The following ZBTB46 variants were observed in gnomAD, a reference collection of about 807,000 sequenced individuals.
The protein encoded by ZBTB46 is zinc finger and BTB domain containing 46, also known as zinc finger and BTB domain-containing protein 46.
In ZBTB46, 8 loss-of-function variants were observed where a neutral mutation model predicts 44.1. The ratio of observed to expected loss-of-function variants is 0.18; its 90% CI spans 0.11 to 0.33. ZBTB46 has a LOEUF of 0.33. Ranked by LOEUF, ZBTB46 falls within the 10% of genes least tolerant of loss-of-function variation. The pLI, the probability that ZBTB46 is intolerant of heterozygous loss-of-function variation, is 1.00. For missense variants in ZBTB46, 651 were observed against 847.7 expected, an observed-to-expected ratio of 0.77 and a Z score of 2.88; for synonymous variants, 409 against 382.3, an observed-to-expected ratio of 1.07 and a Z score of -0.81.
At chr20:63,772,366 A>G (rs943795203) in intron 3 of ZBTB46, among the ~76,000 whole-genome samples, 1 of 152,208 alleles carries the variant, frequency 6.6e-6, no homozygotes, top group Non-Finnish European at 1.5e-5. Flanking sequence ...ACTTAAGAGA[A>G]ATAACAAAAG....
chr20:63,778,322 T>A (rs1418487516), intron 2 of ZBTB46, among the ~76,000 whole-genome samples: 1 of 152,218 alleles, frequency 6.6e-6, no homozygotes, highest in East Asian at 1.9e-4. Context: ...CTCCCTCTAG[T>A]GGGGCTGTAT....
chr20:63,817,489 C>G (rs181761005), intron 1 of ZBTB46, among the ~76,000 whole-genome samples: 1 of 151,840 alleles, frequency 6.6e-6, no homozygotes, highest in African/African-American at 2.4e-5. Flanking sequence ...CCAAGGTGGG[C>G]GGATCACCTG....
At chr20:63,765,120 C>CGTGTGTGT (rs780310039) in intron 3 of ZBTB46, among the ~76,000 whole-genome samples, 39 of 149,086 alleles carry the variant, frequency 2.6e-4, no homozygotes, top group African/African-American at 9.4e-4. Context: ...TGTGTGTGTG[C>CGTGTGTGT]GTGTGTGTGT....
At chr20:63,761,569 G>A (rs1239300551) in intron 3 of ZBTB46, among the ~76,000 whole-genome samples, 1 of 151,950 alleles carries the variant, frequency 6.6e-6, no homozygotes, top group Non-Finnish European at 1.5e-5. Flanking sequence ...GGATCACAAG[G>A]TCAGGAGTTC....
intron 2 of ZBTB46, among the ~76,000 whole-genome samples, chr20:63,785,678 G>A (rs907959629): frequency 9.2e-5 from 14 of 152,178 alleles, no homozygotes; most frequent in African/African-American, 2.9e-4. Flanking sequence ...ATGGGATCAT[G>A]ATCTACTTCC....
intron 1 of ZBTB46, among the ~76,000 whole-genome samples, chr20:63,817,706 ACT>A (rs1361627112): frequency 6.9e-6 from 1 of 144,014 alleles, no homozygotes; most frequent in African/African-American, 2.7e-5. Context: ...GCAGAGTGAG[ACT>A]CTGTCTCAAA....
In ZBTB46 at chr20:63,744,471, TACAA is replaced by T. The variant is rs757279397; in HGVS notation, c.*2455_*2458del. On this transcript the variant is annotated 3_prime_UTR_variant, in exon 5 of 5. Coordinates refer to ENST00000245663, the MANE Select transcript of ZBTB46 (RefSeq NM_001369741.1). ...CACTTTGGTGTTGTAAACACCAAAA[TACAA>T]ACAGACACAAACAAAAATACAAAAT... 5.9e-5 allele frequency: 9 copies of T among 151,916 alleles called. No homozygotes were observed. Among genetic ancestry groups the T allele is most frequent in the African/African-American group, 7.3e-5 (3 of 41,274 alleles). The allele number at this position is 151,916 out of a possible 1,614,324, so 9.4% of individuals were successfully genotyped here. A position where few individuals can be genotyped will look rare whatever the true frequency, so the allele number is the denominator to read the frequency against.
chr20:63,808,835 G>A (rs1193001690), intron 1 of ZBTB46, among the ~76,000 whole-genome samples: 1 of 151,888 alleles, frequency 6.6e-6, no homozygotes, highest in East Asian at 1.9e-4. Flanking sequence ...AAAATTAGCC[G>A]GGCGTGGTGG....
At chr20:63,813,224 G>A (rs1291758240) in intron 1 of ZBTB46, among the ~76,000 whole-genome samples, 2 of 152,052 alleles carry the variant, frequency 1.3e-5, no homozygotes, top group African/African-American at 2.4e-5. Flanking sequence ...TGAGGCGGGT[G>A]GATCATCTGA....
At chr20:63,758,922 C>CA (rs1555837749) in intron 3 of ZBTB46, among the ~76,000 whole-genome samples, 15 of 152,110 alleles carry the variant, frequency 9.9e-5, no homozygotes, top group Admixed American at 7.9e-4. Flanking sequence ...TTAATAGAGA[C>CA]GGGTTTCACT....
At chr20:63,750,919 A>C (rs2092154674) in intron 4 of ZBTB46, among the ~76,000 whole-genome samples, 1 of 152,140 alleles carries the variant, frequency 6.6e-6, no homozygotes, top group Admixed American at 6.5e-5. Flanking sequence ...AAACAAAAAA[A>C]CAAACCCTAA....
intron 1 of ZBTB46, among the ~76,000 whole-genome samples, chr20:63,799,184 C>G (rs2092625442): frequency 6.6e-6 from 1 of 151,726 alleles, no homozygotes; most frequent in Admixed American, 6.6e-5. Flanking sequence ...GTGCACACCA[C>G]CACACTCAGC....
At position 63,744,086 on chromosome 20, in the gene ZBTB46, GC is replaced by G. The variant is rs545197581; in HGVS notation, c.*2843del. 6.6e-6 allele frequency: 1 copy of G among 152,274 alleles called. No individual in the cohort carries two copies. The highest frequency in any genetic ancestry group is 1.5e-5 in the Non-Finnish European group (1 of 68,024). 9.4% of individuals were successfully genotyped at this position (152,274 alleles called of 1,614,324 possible). On this transcript the variant is annotated 3_prime_UTR_variant, in exon 5 of 5. Coordinates refer to ENST00000245663, the MANE Select transcript of ZBTB46 (RefSeq NM_001369741.1). ...CCTCACTACAAGTAGTTCTAAAAGGGCTGCATACAAAACACAATATAAGATC... is the reference window on the plus strand; with the variant it reads ...CCTCACTACAAGTAGTTCTAAAAGGGTGCATACAAAACACAATATAAGATC...
chr20:63,826,692 T>G (rs891831005), intron 1 of ZBTB46, among the ~76,000 whole-genome samples: 1 of 152,154 alleles, frequency 6.6e-6, no homozygotes, highest in Non-Finnish European at 1.5e-5. Flanking sequence ...GCCGCTGCAC[T>G]CCAGCCTGCG....
At chr20:63,790,869 G>C in intron 1 of ZBTB46, 79 bp from the exon 2 acceptor site, 1 of 1,445,022 alleles carries the variant, frequency 6.9e-7, no homozygotes, top group Non-Finnish European at 9.1e-7. Context: ...GGCGCAGGAG[G>C]GCCATGGGGC....
chr20:63,764,916 A>AT (rs141414795), intron 3 of ZBTB46, among the ~76,000 whole-genome samples: 26,737 of 146,514 alleles, frequency 0.18, 3,024 homozygotes, highest in Non-Finnish European at 0.24. Flanking sequence ...TGCTTTTAAG[A>AT]TTTTTTTTTG....
At chr20:63,814,355 G>A (rs1043317142) in intron 1 of ZBTB46, among the ~76,000 whole-genome samples, 1 of 152,164 alleles carries the variant, frequency 6.6e-6, no homozygotes, top group Non-Finnish European at 1.5e-5. Flanking sequence ...CGACGTGGAC[G>A]TTCTCTCTAA....
intron 1 of ZBTB46, among the ~76,000 whole-genome samples, chr20:63,818,798 C>G (rs995286656): frequency 2.8e-5 from 4 of 145,170 alleles, no homozygotes; most frequent in Non-Finnish European, 4.5e-5. Context: ...GCAGAGGTTG[C>G]AAGGCAGAGG....
At chr20:63,780,557 C>A (rs2092460796) in intron 2 of ZBTB46, among the ~76,000 whole-genome samples, 2 of 151,782 alleles carry the variant, frequency 1.3e-5, no homozygotes, top group Non-Finnish European at 2.9e-5. Context: ...AATCCCAGCA[C>A]TCTCGGAGGC....
Sources: allele counts gnomAD v4.1 joint callset (sites outside exome capture counted in the v4.1 genomes callset), GRCh38; gene constraint gnomAD v4.1.1; transcripts MANE v1.5; gene names NCBI Gene and HGNC (gene_info 2026-07-23, HGNC 2026-07-21).